The following ARHGAP18 variants were observed in gnomAD, a reference collection of about 807,000 sequenced individuals.
The protein encoded by ARHGAP18 is rho GTPase-activating protein 18.
Under a neutral mutation model 86.2 loss-of-function variants are expected in ARHGAP18, and 67 were observed. The observed-to-expected ratio is 0.78, with a 90% confidence interval of 0.64 to 0.95. The LOEUF is 0.95. Ranked by LOEUF, ARHGAP18 falls within the 40% of genes least tolerant of loss-of-function variation. The pLI is 0.00. For missense variants in ARHGAP18, 691 were observed against 780.4 expected, an observed-to-expected ratio of 0.89 and a Z score of 1.37; for synonymous variants, 283 against 280.4, an observed-to-expected ratio of 1.01 and a Z score of -0.09.
intron 13 of ARHGAP18, 99 bp from the exon 14 acceptor site, chr6:129,580,230 C>A: frequency 9.7e-7 from 1 of 1,032,292 alleles, no homozygotes; most frequent in South Asian, 1.4e-5. Flanking sequence ...ATGGAAAATT[C>A]ATAACTTAGA....
In ARHGAP18 at chr6:129,593,690, G is replaced by A. The variant is rs968413427; in HGVS notation, c.1713+5526C>T. ...TGTAGATGTGTGTGTTATCAATCCC[G>A]ACAAGTTAAAGCCTATCAGAAAATG... On this transcript the variant is annotated intron_variant, in intron 12 of 14. Transcript: ENST00000368149. Among the ~76,000 whole-genome samples the A allele has an allele frequency of 3.3e-5, 5 of 151,370 alleles. No homozygotes were observed. The South Asian group carries it at 8.4e-4, about 26-fold the overall frequency.
chr6:129,698,924 C>G (rs2114553694), intron 1 of ARHGAP18, among the ~76,000 whole-genome samples: 1 of 152,226 alleles, frequency 6.6e-6, no homozygotes, highest in Non-Finnish European at 1.5e-5. Context: ...AATCACTGAC[C>G]TCAGGTGATC....
chr6:129,695,288 C>T (rs931181185), intron 1 of ARHGAP18, among the ~76,000 whole-genome samples: 1 of 152,102 alleles, frequency 6.6e-6, no homozygotes, highest in Non-Finnish European at 1.5e-5. Context: ...AAACTCATCG[C>T]TTGCTAACTG....
intron 6 of ARHGAP18, 141 bp downstream of exon 6, chr6:129,618,546 T>G: frequency 2.6e-6 from 2 of 768,776 alleles, no homozygotes; most frequent in Non-Finnish European, 4.0e-6. Context: ...AGGCAACATC[T>G]TAGAATATAA....
At position 129,618,114 on chromosome 6, in the gene ARHGAP18, A is replaced by C. The variant is rs563218371; in HGVS notation, c.952+573T>G. The stretch of plus-strand genomic sequence containing the variant: ...AAAGCAAGGTACTTACAAAAAAAAC[A>C]AAAAAAAAAAACCACTCCATATTTC... On this transcript the variant is annotated intron_variant, in intron 6 of 14. Coordinates refer to ENST00000368149, the MANE Select transcript of ARHGAP18 (RefSeq NM_033515.3). Among the ~76,000 whole-genome samples, 489 of 91,984 alleles carry C rather than the reference A, an allele frequency of 5.3e-3. 4 individuals are homozygous for C. Among genetic ancestry groups the C allele is most frequent in the African/African-American group, 0.023 (470 of 20,122 alleles). 60.3% of individuals were successfully genotyped at this position (91,984 alleles called of 152,430 possible).
intron 1 of ARHGAP18, among the ~76,000 whole-genome samples, chr6:129,670,030 G>GT (rs1774114601): frequency 6.6e-6 from 1 of 152,116 alleles, no homozygotes; most frequent in African/African-American, 2.4e-5. Flanking sequence ...CATCAACTTT[G>GT]TATCTATTTA....
chr6:129,687,942 C>T (rs562255316), intron 1 of ARHGAP18, among the ~76,000 whole-genome samples: 5 of 152,292 alleles, frequency 3.3e-5, no homozygotes, highest in East Asian at 3.9e-4. Flanking sequence ...ATCTCGTCAT[C>T]GAGAGCTCCC....
Position 129,605,869 on chromosome 6 carries a change from A to G in ARHGAP18, c.1365+8T>C, listed in dbSNP as rs3813366. 0.42 allele frequency: 673,614 copies of G among 1,608,026 alleles called. 144,859 individuals are homozygous for G. Among genetic ancestry groups the G allele is most frequent in the African/African-American group, 0.69 (51,606 of 74,736 alleles). ...AAGGGATATTTAATGTAAATTAACC[A>G]AGCTGACCTTCAGTGTGTCCCTGTT... On this transcript the variant is annotated splice_region_variant and intron_variant, in intron 10 of 14. Transcript: ENST00000368149.
intron 1 of ARHGAP18, among the ~76,000 whole-genome samples, chr6:129,705,007 ATCTGCCT>A (rs1487062008): frequency 6.6e-6 from 1 of 152,048 alleles, no homozygotes; most frequent in Admixed American, 6.6e-5. Flanking sequence ...TCTACCCACT[ATCTGCCT>A]TAAAAACTCT....
intron 12 of ARHGAP18, among the ~76,000 whole-genome samples, chr6:129,594,676 TAA>T (rs1452223533): frequency 6.6e-6 from 1 of 152,128 alleles, no homozygotes; most frequent in Non-Finnish European, 1.5e-5. Flanking sequence ...TGCTTGATGC[TAA>T]AGTCACCCAA....
Position 129,577,119 on chromosome 6 carries a change from A to G in ARHGAP18, c.*1394T>C, listed in dbSNP as rs755184460. ...ATAATTTAGAAAAAGGCATTTAATT[A>G]CAAAATTTTCTTTTAAATAAAAAAG... On this transcript the variant is annotated 3_prime_UTR_variant, in exon 15 of 15. Transcript: ENST00000368149. 6.6e-6 allele frequency: 1 copy of G among 152,202 alleles called. No homozygotes were observed. Among genetic ancestry groups the G allele is most frequent in the Non-Finnish European group, 1.5e-5 (1 of 68,024 alleles). 9.4% of individuals were successfully genotyped at this position (152,202 alleles called of 1,614,324 possible).
intron 1 of ARHGAP18, among the ~76,000 whole-genome samples, chr6:129,651,112 T>G (rs1773702722): frequency 2.0e-5 from 3 of 152,208 alleles, no homozygotes; most frequent in African/African-American, 7.2e-5. Flanking sequence ...AAAGTACTAC[T>G]GCCTCTAAAA....
chr6:129,676,254 A>G (rs1164008888), intron 1 of ARHGAP18, among the ~76,000 whole-genome samples: 1 of 152,206 alleles, frequency 6.6e-6, no homozygotes, highest in African/African-American at 2.4e-5. Context: ...ATGTCTTCTA[A>G]CGAGGGAAAG....
intron 1 of ARHGAP18, among the ~76,000 whole-genome samples, chr6:129,661,389 GGGAT>G (rs1400346456): frequency 2.0e-5 from 3 of 150,636 alleles, no homozygotes; most frequent in African/African-American, 7.3e-5. Context: ...GTTAATATAT[GGGAT>G]GATGAATATA....
At position 129,710,125 on chromosome 6, in the gene ARHGAP18, G is replaced by A. The variant is rs1210816357; in HGVS notation, c.12C>T (p.Leu4=). 3.1e-6 allele frequency: 5 copies of A among 1,613,502 alleles called. No homozygotes were observed. The highest frequency in any genetic ancestry group is 4.2e-6 in the Non-Finnish European group (5 of 1,179,598). The change falls in exon 1 of 15, where the codon CTC becomes CTT. Residue 4 remains leucine (L), a synonymous_variant. Coordinates refer to ENST00000368149, the MANE Select transcript of ARHGAP18 (RefSeq NM_033515.3). ...TTAGTACCACTCCCTGGGAACTGGA[G>A]AGCCAGCTCATGGTGAGAGAAGGGA... MSW[L]SSSQGVVLTA...
At position 129,608,064 on chromosome 6, in the gene ARHGAP18, GAAAAAAAAAA is replaced by G. The variant is rs577070164; in HGVS notation, c.1123-22_1123-13del. On this transcript the variant is annotated splice_polypyrimidine_tract_variant and intron_variant, in intron 8 of 14. Coordinates refer to ENST00000368149, the MANE Select transcript of ARHGAP18 (RefSeq NM_033515.3). ...TCTTGGCAAAGATTCTGATAGGCAC[GAAAAAAAAAA>G]AAAAAAAAAAAAGAAGCAGCTAGAA... The G allele has an allele frequency of 1.0e-4, 99 of 984,976 alleles. 1 individual carries two copies. In the South Asian group the frequency reaches 2.5e-3, roughly 24 times the overall value. 61.0% of individuals were successfully genotyped at this position (984,976 alleles called of 1,614,324 possible).
chr6:129,674,249 C>T (rs1252175396), intron 1 of ARHGAP18, among the ~76,000 whole-genome samples: 8 of 152,182 alleles, frequency 5.3e-5, no homozygotes, highest in Non-Finnish European at 2.9e-5. Flanking sequence ...AAAAAAGACA[C>T]CATAGGCTGC....
In ARHGAP18 at chr6:129,578,089, T is replaced by G. The variant is rs1056705042; in HGVS notation, c.*424A>C. On this transcript the variant is annotated 3_prime_UTR_variant, in exon 15 of 15. Coordinates refer to ENST00000368149, the MANE Select transcript of ARHGAP18 (RefSeq NM_033515.3). ...TACCTGGTATTTGTTATCTTTTTGG[T>G]CAAAAAGCAAACCTAACTGGGAAAG... 6.6e-6 allele frequency: 1 copy of G among 152,030 alleles called. No individual in the cohort carries two copies. The highest frequency in any genetic ancestry group is 1.5e-5 in the Non-Finnish European group (1 of 68,020). 9.4% of individuals were successfully genotyped at this position (152,030 alleles called of 1,614,324 possible). A position where few individuals can be genotyped will look rare whatever the true frequency, so the allele number is the denominator to read the frequency against.
intron 1 of ARHGAP18, among the ~76,000 whole-genome samples, chr6:129,685,161 G>A (rs577887165): frequency 1.3e-5 from 2 of 152,066 alleles, no homozygotes; most frequent in South Asian, 2.1e-4. Context: ...TTTGGGCCTC[G>A]GTTTCCCCAA....
Sources: allele counts gnomAD v4.1 joint callset (sites outside exome capture counted in the v4.1 genomes callset), GRCh38; gene constraint gnomAD v4.1.1; transcripts MANE v1.5; gene names NCBI Gene and HGNC (gene_info 2026-07-23, HGNC 2026-07-21).